Variants in MAD1L1 observed in about 807,000 individuals in gnomAD.
MAD1L1 encodes the protein mitotic spindle assembly checkpoint protein MAD1.
MAD1L1 carries 95 observed loss-of-function variants against 96.9 expected under a neutral mutation model. The observed-to-expected ratio is 0.98, with a 90% confidence interval of 0.83 to 1.16. The LOEUF (loss-of-function observed/expected upper bound fraction) is 1.16. MAD1L1 is among the 50% of genes most tolerant of loss of function. The probability of loss-of-function intolerance (pLI) is 0.00; values close to 1 mark genes in which losing one functional copy is unlikely to be tolerated. For missense variants in MAD1L1, 1,007 were observed against 954.4 expected (o/e 1.06, Z -0.73); for synonymous variants, 473 against 396.6 (o/e 1.19, Z -2.29).
At chr7:2,010,905 G>A (rs1426437040) in intron 13 of MAD1L1, among the ~76,000 whole-genome samples, 1 of 152,202 alleles carries the variant, frequency 6.6e-6, no homozygotes, top group African/African-American at 2.4e-5. Flanking sequence ...GTGAGTGGGG[G>A]ACAGAGGGGT....
At position 2,148,741 on chromosome 7, in the gene MAD1L1, T is replaced by G. The variant is rs528622209; in HGVS notation, c.1073+411A>C. On this transcript the variant is annotated intron_variant, in intron 11 of 18. Transcript: ENST00000265854. ...TCTCTTGGTATTCATAGTGAGCCCC[T>G]TCCAATCACGCCTGCATTCATGCTG... 3.6e-4 allele frequency: 71 copies of G among 198,638 alleles called. 1 individual carries two copies. The South Asian group carries it at 8.2e-3, about 23-fold the overall frequency. The allele number at this position is 198,638 out of a possible 1,614,324, so 12.3% of individuals were successfully genotyped here.
At chr7:2,152,999 A>G (rs1010820179) in intron 10 of MAD1L1, among the ~76,000 whole-genome samples, 3 of 152,232 alleles carry the variant, frequency 2.0e-5, no homozygotes, top group Non-Finnish European at 2.9e-5. Flanking sequence ...GGCAGTGTCA[A>G]TCAAAAGAAA....
chr7:2,004,746 ATG>A (rs1781955119), intron 13 of MAD1L1, among the ~76,000 whole-genome samples: 1 of 152,226 alleles, frequency 6.6e-6, no homozygotes, highest in Non-Finnish European at 1.5e-5. Context: ...GCACTGAGTG[ATG>A]TGTGTCTGAA....
intron 16 of MAD1L1, among the ~76,000 whole-genome samples, chr7:1,946,005 T>C (rs571693732): frequency 6.6e-6 from 1 of 152,116 alleles, no homozygotes; most frequent in East Asian, 1.9e-4. Context: ...GGTTCTGCAC[T>C]GGGGCCAGGA....
rs1418618281 is a variant in MAD1L1, at chr7:2,050,185, G to A, written c.1218+19009C>T. Among the ~76,000 whole-genome samples the A allele has an allele frequency of 1.7e-3, 227 of 136,820 alleles. 2 individuals carry two copies. The highest frequency in any genetic ancestry group is 5.6e-3 in the African/African-American group (198 of 35,460). 89.8% of individuals were successfully genotyped at this position (136,820 alleles called of 152,430 possible). A position where few individuals can be genotyped will look rare whatever the true frequency, so the allele number is the denominator to read the frequency against. On this transcript the variant is annotated intron_variant, in intron 12 of 18. Coordinates refer to ENST00000265854, the MANE Select transcript of MAD1L1 (RefSeq NM_001013836.2). ...ACGTTCACGGGGCACCTCACCCAGC[G>A]TCTGCGGGCACCAGACCACACGTTC...
intron 16 of MAD1L1, among the ~76,000 whole-genome samples, chr7:1,952,546 C>A (rs1043317652): frequency 2.6e-5 from 4 of 151,260 alleles, no homozygotes; most frequent in African/African-American, 9.7e-5. Flanking sequence ...CCTTGGCCCC[C>A]GCTGTGCCCT....
rs1027364147 is a variant in MAD1L1, at chr7:2,162,872, CT to C, written c.987-13635del. ...ATGAGTCCATTAATTGGAGTTTCAT[CT>C]TTTTTTTTTTTTTTGCATGAACCAT... On this transcript the variant is annotated intron_variant, in intron 10 of 18. Coordinates refer to ENST00000265854, the MANE Select transcript of MAD1L1 (RefSeq NM_001013836.2). Among the ~76,000 whole-genome samples the C allele has an allele frequency of 7.0e-3, 931 of 133,694 alleles. 5 individuals are homozygous for C. The highest frequency in any genetic ancestry group is 0.014 in the African/African-American group (506 of 35,776). The allele number at this position is 133,694 out of a possible 152,430, so 87.7% of individuals were successfully genotyped here.
chr7:2,018,020 G>A (rs999187746), intron 12 of MAD1L1, among the ~76,000 whole-genome samples: 1 of 152,078 alleles, frequency 6.6e-6, no homozygotes, highest in Non-Finnish European at 1.5e-5. Flanking sequence ...GCGGGAGACT[G>A]CAGGACGCCG....
intron 10 of MAD1L1, among the ~76,000 whole-genome samples, chr7:2,169,340 C>T (rs981628509): frequency 6.6e-6 from 1 of 152,150 alleles, no homozygotes; most frequent in Admixed American, 6.5e-5. Context: ...CTGTATTTCC[C>T]TACTTTGTAA....
chr7:2,135,334 A>T (rs1183602689), intron 11 of MAD1L1, among the ~76,000 whole-genome samples: 2 of 152,236 alleles, frequency 1.3e-5, no homozygotes, highest in African/African-American at 4.8e-5. Context: ...ATTTCACCAG[A>T]CACTGAAGAG....
chr7:1,993,658 C>A (rs948801239), intron 14 of MAD1L1, among the ~76,000 whole-genome samples: 1 of 152,168 alleles, frequency 6.6e-6, no homozygotes, highest in Non-Finnish European at 1.5e-5. Flanking sequence ...ATTTTCTGGG[C>A]GAAGAAACCA....
intron 11 of MAD1L1, among the ~76,000 whole-genome samples, chr7:2,134,105 G>A (rs1046187473): frequency 6.6e-6 from 1 of 152,160 alleles, no homozygotes; most frequent in Admixed American, 6.5e-5. Flanking sequence ...AGACCCTCTG[G>A]GGAGAACTGA....
At chr7:2,152,514 AC>A (rs1789630611) in intron 10 of MAD1L1, among the ~76,000 whole-genome samples, 1 of 152,230 alleles carries the variant, frequency 6.6e-6, no homozygotes, top group Non-Finnish European at 1.5e-5. Context: ...ACTCAAAAGC[AC>A]AAGCACAGTG....
chr7:1,962,606 A>G (rs1779998511), intron 15 of MAD1L1, among the ~76,000 whole-genome samples: 1 of 152,256 alleles, frequency 6.6e-6, no homozygotes, highest in African/African-American at 2.4e-5. Flanking sequence ...CAAACTCAAC[A>G]GTAAGAAAAA....
intron 11 of MAD1L1, among the ~76,000 whole-genome samples, chr7:2,092,287 C>G (rs962775953): frequency 6.6e-6 from 1 of 152,138 alleles, no homozygotes; most frequent in Non-Finnish European, 1.5e-5. Flanking sequence ...GAGACAGGGT[C>G]TCTCTCTGTC....
chr7:2,204,166 C>T (rs756368535), intron 10 of MAD1L1, among the ~76,000 whole-genome samples: 1 of 152,298 alleles, frequency 6.6e-6, no homozygotes, highest in Non-Finnish European at 1.5e-5. Flanking sequence ...CAGCCGTGGC[C>T]GTAGGCCTTC....
chr7:2,150,128 A>C (rs1376328990), intron 10 of MAD1L1, among the ~76,000 whole-genome samples: 1 of 152,132 alleles, frequency 6.6e-6, no homozygotes, highest in Non-Finnish European at 1.5e-5. Context: ...CGCACCACTG[A>C]ATGAGCAACG....
At chr7:2,031,092 G>A (rs1046498924) in intron 12 of MAD1L1, among the ~76,000 whole-genome samples, 1 of 152,248 alleles carries the variant, frequency 6.6e-6, no homozygotes, top group Non-Finnish European at 1.5e-5. Flanking sequence ...CCAGCAGCCA[G>A]CTGTGCATTC....
chr7:2,201,547 C>T (rs1792300196), intron 10 of MAD1L1, among the ~76,000 whole-genome samples: 1 of 152,220 alleles, frequency 6.6e-6, no homozygotes, highest in South Asian at 2.1e-4. Flanking sequence ...GGCAGCCGGA[C>T]TTGTCTAAAG....
Sources: gnomAD v4.1 joint callset for allele counts (sites outside exome capture counted in the v4.1 genomes callset) on GRCh38, gnomAD v4.1.1 for gene constraint, MANE v1.5 for transcripts, NCBI Gene and HGNC (gene_info 2026-07-23, HGNC 2026-07-21) for gene names.